The following MED27 variants were observed in gnomAD, a reference collection of about 807,000 sequenced individuals.
MED27 encodes the protein mediator of RNA polymerase II transcription subunit 27.
In MED27, 30 loss-of-function variants were observed where a neutral mutation model predicts 38.2. That is an observed-to-expected ratio of 0.79 (90% CI 0.59 to 1.07). The LOEUF is 1.07. Ranked by LOEUF, MED27 falls within the 50% of genes least tolerant of loss-of-function variation. MED27 has a pLI of 0.00. For missense variants in MED27, 289 were observed against 397.5 expected, an observed-to-expected ratio of 0.73 and a Z score of 2.32; for synonymous variants, 122 against 153.5, an observed-to-expected ratio of 0.79 and a Z score of 1.52.
intron 2 of MED27, among the ~76,000 whole-genome samples, chr9:132,046,948 T>G (rs1323959839): frequency 6.6e-6 from 1 of 151,994 alleles, no homozygotes; most frequent in Non-Finnish European, 1.5e-5. Flanking sequence ...ATAAGAGAGA[T>G]TACACAAAAA....
intron 3 of MED27, among the ~76,000 whole-genome samples, chr9:131,985,162 G>A (rs1831822171): frequency 6.6e-6 from 1 of 152,086 alleles, no homozygotes. Flanking sequence ...TGCTCTGGAT[G>A]CTTGCTTTGG....
intron 2 of MED27, among the ~76,000 whole-genome samples, chr9:132,031,190 G>C (rs78816640): frequency 0.014 from 2,098 of 152,316 alleles, 25 homozygotes; most frequent in Non-Finnish European, 0.02. Context: ...TCTCTGGAGA[G>C]GCTGTCCTAG....
At chr9:132,070,285 G>T (rs1833907183) in intron 2 of MED27, among the ~76,000 whole-genome samples, 2 of 152,238 alleles carry the variant, frequency 1.3e-5, no homozygotes, top group African/African-American at 4.8e-5. Context: ...GCCGAGCATG[G>T]TGGCTCATGC....
intron 2 of MED27, among the ~76,000 whole-genome samples, chr9:132,021,454 GAAGA>G (rs1035780802): frequency 1.3e-5 from 2 of 152,088 alleles, no homozygotes; most frequent in African/African-American, 4.8e-5. Context: ...AAAGACAACA[GAAGA>G]AAGGGAAAAA....
At chr9:131,953,616 T>C (rs1831039659) in intron 3 of MED27, among the ~76,000 whole-genome samples, 1 of 151,992 alleles carries the variant, frequency 6.6e-6, no homozygotes, top group Non-Finnish European at 1.5e-5. Flanking sequence ...TTAAGAATAT[T>C]AAAAATACTA....
intron 6 of MED27, among the ~76,000 whole-genome samples, chr9:131,877,051 C>T (rs1260933318): frequency 1.3e-5 from 2 of 152,292 alleles, no homozygotes; most frequent in South Asian, 2.1e-4. Flanking sequence ...ACAGAAGGGC[C>T]TTCAACGACT....
chr9:131,920,554 G>A (rs576450113), intron 4 of MED27, among the ~76,000 whole-genome samples: 1 of 152,178 alleles, frequency 6.6e-6, no homozygotes, highest in African/African-American at 2.4e-5. Context: ...TCTTTCCAGA[G>A]GAAACACAAA....
At chr9:132,049,090 G>C (rs1464019504) in intron 2 of MED27, among the ~76,000 whole-genome samples, 2 of 152,162 alleles carry the variant, frequency 1.3e-5, no homozygotes, top group Admixed American at 1.3e-4. Flanking sequence ...AAACAACCTT[G>C]GACAAGACGA....
At chr9:131,890,447 G>A (rs531859649) in intron 5 of MED27, among the ~76,000 whole-genome samples, 20 of 152,290 alleles carry the variant, frequency 1.3e-4, no homozygotes, top group African/African-American at 4.6e-4. Context: ...GAGAGAGGCC[G>A]GGCTAATCTC....
chr9:131,946,946 G>A (rs914746368), intron 3 of MED27, among the ~76,000 whole-genome samples: 1 of 152,074 alleles, frequency 6.6e-6, no homozygotes, highest in African/African-American at 2.4e-5. Context: ...TTTGCTTTGT[G>A]CTCCTGTCCC....
chr9:131,906,163 C>T (rs9411321), intron 4 of MED27, among the ~76,000 whole-genome samples: 15,843 of 152,208 alleles, frequency 0.1, 1,038 homozygotes, highest in East Asian at 0.17. Flanking sequence ...AAGTACCCAC[C>T]ACGTGCCAAG....
chr9:132,071,392 C>A (rs544704149), intron 2 of MED27, among the ~76,000 whole-genome samples: 5 of 151,896 alleles, frequency 3.3e-5, no homozygotes, highest in African/African-American at 1.2e-4. Context: ...ACACGAGTAA[C>A]GCACACCCCA....
At chr9:131,964,325 G>A (rs1483115405) in intron 3 of MED27, among the ~76,000 whole-genome samples, 3 of 102,888 alleles carry the variant, frequency 2.9e-5, no homozygotes, top group African/African-American at 7.4e-5. Flanking sequence ...TGCTGGTGGT[G>A]GAGGTGATGG....
At chr9:132,020,700 C>T (rs1274746597) in intron 2 of MED27, among the ~76,000 whole-genome samples, 2 of 152,166 alleles carry the variant, frequency 1.3e-5, no homozygotes, top group African/African-American at 4.8e-5. Context: ...AAAAAACAGG[C>T]AAGCTTGTCT....
intron 2 of MED27, among the ~76,000 whole-genome samples, chr9:132,041,868 T>C (rs1398850256): frequency 1.3e-5 from 2 of 152,242 alleles, no homozygotes; most frequent in African/African-American, 4.8e-5. Flanking sequence ...ATGATTAAGA[T>C]AGATTAAATA....
At chr9:132,017,249 G>A (rs1001804457) in intron 2 of MED27, among the ~76,000 whole-genome samples, 1 of 152,160 alleles carries the variant, frequency 6.6e-6, no homozygotes, top group Non-Finnish European at 1.5e-5. Flanking sequence ...ACACAGTTTA[G>A]ATCTGAAGAG....
intron 3 of MED27, among the ~76,000 whole-genome samples, chr9:131,947,643 T>C (rs1830910242): frequency 6.6e-6 from 1 of 151,864 alleles, no homozygotes; most frequent in Admixed American, 6.6e-5. Flanking sequence ...ACTGGACAGA[T>C]GGCTTAGTTC....
intron 6 of MED27, among the ~76,000 whole-genome samples, chr9:131,878,683 T>A (rs1241688346): frequency 6.6e-6 from 1 of 152,224 alleles, no homozygotes; most frequent in Non-Finnish European, 1.5e-5. Context: ...AATTGCTGGA[T>A]GAAAATGCAC....
intron 2 of MED27, among the ~76,000 whole-genome samples, chr9:132,039,608 A>AG (rs1268617382): frequency 6.6e-6 from 1 of 152,206 alleles, no homozygotes; most frequent in East Asian, 1.9e-4. Flanking sequence ...CTGCCATCAA[A>AG]GGCCACACTG....
Sources: gnomAD v4.1 joint callset for allele counts (sites outside exome capture counted in the v4.1 genomes callset) on GRCh38, gnomAD v4.1.1 for gene constraint, MANE v1.5 for transcripts, NCBI Gene and HGNC (gene_info 2026-07-23, HGNC 2026-07-21) for gene names.